CNTNAP4: variants seen among roughly 807,000 people sequenced by gnomAD.
CNTNAP4 encodes the protein contactin associated protein family member 4.
Under a neutral mutation model 148.4 loss-of-function variants are expected in CNTNAP4, and 98 were observed. The ratio of observed to expected loss-of-function variants is 0.66; its 90% CI spans 0.56 to 0.78. The LOEUF is 0.78. Among genes scored for constraint, CNTNAP4 ranks in the 30% least tolerant of loss-of-function variants. The pLI, the probability that CNTNAP4 is intolerant of heterozygous loss-of-function variation, is 0.00. For missense variants in CNTNAP4, 1,935 were observed against 1,565.6 expected, an observed-to-expected ratio of 1.24 and a Z score of -3.98; for synonymous variants, 730 against 565.1, an observed-to-expected ratio of 1.29 and a Z score of -4.14.
intron 18 of CNTNAP4, 111 bp downstream of exon 18, chr16:76,535,895 T>A: frequency 8.3e-7 from 1 of 1,205,374 alleles, no homozygotes; most frequent in African/African-American, 1.5e-5. Context: ...AATTTCTGAA[T>A]TGCTTTGGCA....
chr16:76,346,710 A>G (rs1340033675), intron 2 of CNTNAP4, among the ~76,000 whole-genome samples: 3 of 152,192 alleles, frequency 2.0e-5, no homozygotes, highest in Non-Finnish European at 4.4e-5. Flanking sequence ...ATCTGTGGTA[A>G]AAACAAAATT....
Position 76,443,336 on chromosome 16 carries a change from T to C in CNTNAP4, c.539-4676T>C, listed in dbSNP as rs535213255. ...TTTCCTATGGTCAATTTTATAATAC[T>C]TCTACTTTTCCTATTTATACAATTC... On this transcript the variant is annotated intron_variant, in intron 4 of 23. Transcript: ENST00000611870. Among the ~76,000 whole-genome samples the C allele has an allele frequency of 2.3e-3, 354 of 152,306 alleles. 1 individual carries two copies. Among genetic ancestry groups the C allele is most frequent in the African/African-American group, 7.6e-3 (316 of 41,586 alleles).
intron 2 of CNTNAP4, among the ~76,000 whole-genome samples, chr16:76,341,671 C>T (rs529253100): frequency 6.6e-6 from 1 of 152,026 alleles, no homozygotes; most frequent in South Asian, 2.1e-4. Flanking sequence ...GGGAGGCATT[C>T]AGGATTTGGG....
intron 3 of CNTNAP4, among the ~76,000 whole-genome samples, chr16:76,378,699 C>G (rs2015674604): frequency 6.6e-6 from 1 of 152,184 alleles, no homozygotes; most frequent in Non-Finnish European, 1.5e-5. Flanking sequence ...CTCCAGCTTT[C>G]TAGGTGCATC....
At chr16:76,483,419 C>A (rs762232287) in intron 12 of CNTNAP4, among the ~76,000 whole-genome samples, 1 of 152,146 alleles carries the variant, frequency 6.6e-6, no homozygotes, top group Admixed American at 6.5e-5. Flanking sequence ...GTCTCATTCA[C>A]CAATCAATAC....
rs537873589 is a variant in CNTNAP4 at position 76,535,704 on chromosome 16, G to A, written c.2915G>A (p.Gly972Glu). ...CSSYGKLCRN[G>E]GKCRERPIGF... ...AGCTATGGGAAGTTATGCCGCAATG[G>A]AGGGAAATGCAGAGAAAGACCCATT... is the stretch of plus-strand genomic sequence containing the variant. Residue 972 changes from glycine to glutamate, a missense_variant, in exon 18 of 24, where the codon GGA (glycine) becomes GAA (glutamate). Coordinates refer to ENST00000611870, the MANE Select transcript of CNTNAP4 (RefSeq NM_033401.5). 2 of 1,613,954 alleles carry A rather than the reference G, an allele frequency of 1.2e-6. No homozygotes were observed. Among genetic ancestry groups the A allele is most frequent in the South Asian group, 2.2e-5 (2 of 91,078 alleles).
At chr16:76,473,411 A>C (rs936798296) in intron 10 of CNTNAP4, among the ~76,000 whole-genome samples, 1 of 152,124 alleles carries the variant, frequency 6.6e-6, no homozygotes, top group Non-Finnish European at 1.5e-5. Flanking sequence ...TTTTTTTATA[A>C]TCAGGAAAAA....
At chr16:76,337,971 C>T (rs1202745581) in intron 2 of CNTNAP4, among the ~76,000 whole-genome samples, 1 of 152,120 alleles carries the variant, frequency 6.6e-6, no homozygotes, top group African/African-American at 2.4e-5. Flanking sequence ...TTCAGGGTGC[C>T]CTGATTTCAT....
chr16:76,495,874 T>C (rs1372203866), intron 14 of CNTNAP4, among the ~76,000 whole-genome samples: 28 of 152,096 alleles, frequency 1.8e-4, no homozygotes, highest in Admixed American at 1.8e-3. Context: ...CTGATTACAG[T>C]GATAAATCTG....
intron 3 of CNTNAP4, among the ~76,000 whole-genome samples, chr16:76,359,381 A>G (rs2013124603): frequency 6.6e-6 from 1 of 152,216 alleles, no homozygotes; most frequent in Admixed American, 6.5e-5. Flanking sequence ...TAGGAACAAA[A>G]GCAATAAAAA....
At chr16:76,363,564 C>T (rs1212734363) in intron 3 of CNTNAP4, among the ~76,000 whole-genome samples, 1 of 152,106 alleles carries the variant, frequency 6.6e-6, no homozygotes, top group African/African-American at 2.4e-5. Flanking sequence ...ACAGAAACAG[C>T]TTCACGACAT....
rs899870897 is a variant in CNTNAP4 at position 76,462,042 on chromosome 16, G to A, written c.1420G>A (p.Ala474Thr). 2 of 1,613,690 alleles carry A rather than the reference G, an allele frequency of 1.2e-6. No individual in the cohort carries two copies. The highest frequency in any genetic ancestry group is 2.7e-5 in the African/African-American group (2 of 74,908). Reference sequence around the variant, plus strand: ...GAGTGTGGCGGTGGACGGCCAGATGGCTTCTGCTGCTCCTCTGCTGGGGCC... The same window carrying A: ...GAGTGTGGCGGTGGACGGCCAGATGACTTCTGCTGCTCCTCTGCTGGGGCC... ...HLSVAVDGQM[A>T]SAAPLLGPEQ... Residue 474 changes from alanine to threonine, a missense_variant, in exon 9 of 24, where the codon GCT becomes ACT. By Grantham distance (58) the Ala-to-Thr change is moderately conservative. Transcript: ENST00000611870.
intron 17 of CNTNAP4, among the ~76,000 whole-genome samples, chr16:76,523,221 C>T (rs1285791831): frequency 6.6e-6 from 1 of 151,564 alleles, no homozygotes; most frequent in African/African-American, 2.4e-5. Context: ...CGATGCCAAA[C>T]ATTGAACACT....
chr16:76,296,519 T>C (rs1468800615), intron 1 of CNTNAP4, among the ~76,000 whole-genome samples: 1 of 152,244 alleles, frequency 6.6e-6, no homozygotes, highest in Non-Finnish European at 1.5e-5. Flanking sequence ...TAATGTGTTC[T>C]TCAAGTTATA....
At chr16:76,429,061 A>G (rs746770398) in intron 4 of CNTNAP4, among the ~76,000 whole-genome samples, 2 of 152,196 alleles carry the variant, frequency 1.3e-5, no homozygotes, top group African/African-American at 2.4e-5. Flanking sequence ...AATAACAGAG[A>G]TGAGTCAGTG....
At chr16:76,419,524 A>C (rs1228033430) in intron 3 of CNTNAP4, among the ~76,000 whole-genome samples, 1 of 152,002 alleles carries the variant, frequency 6.6e-6, no homozygotes, top group Non-Finnish European at 1.5e-5. Flanking sequence ...ATGCTAGTCT[A>C]CACTCAGTTT....
chr16:76,377,567 G>A (rs1159272534), intron 3 of CNTNAP4, among the ~76,000 whole-genome samples: 1 of 152,134 alleles, frequency 6.6e-6, no homozygotes, highest in African/African-American at 2.4e-5. Context: ...GTCATTTAGG[G>A]TGTTTTATGG....
intron 3 of CNTNAP4, among the ~76,000 whole-genome samples, chr16:76,375,985 G>A: frequency 6.6e-6 from 1 of 152,104 alleles, no homozygotes; most frequent in East Asian, 1.9e-4. Flanking sequence ...TGTAAAATAA[G>A]CGTAGCAATA....
intron 3 of CNTNAP4, among the ~76,000 whole-genome samples, chr16:76,408,372 A>C (rs34670245): frequency 0.38 from 53,921 of 143,480 alleles, 11,042 homozygotes; most frequent in Non-Finnish European, 0.44. Flanking sequence ...ACAGTTGTTA[A>C]TCTATTAACA....
Sources: allele counts gnomAD v4.1 joint callset (sites outside exome capture counted in the v4.1 genomes callset), GRCh38; gene constraint gnomAD v4.1.1; transcripts MANE v1.5; gene names NCBI Gene and HGNC (gene_info 2026-07-23, HGNC 2026-07-21).